Variants in CFAP221 observed in about 807,000 individuals in gnomAD.
CFAP221 encodes the protein cilia and flagella associated protein 221, also known as cilia- and flagella-associated protein 221.
A neutral mutation model predicts 113.1 loss-of-function variants in CFAP221; 97 were observed. That is an observed-to-expected ratio of 0.86 (90% CI 0.73 to 1.02). The LOEUF is 1.02. Ranked by LOEUF, CFAP221 falls within the 50% of genes least tolerant of loss-of-function variation. The pLI, the probability that CFAP221 is intolerant of heterozygous loss-of-function variation, is 0.00. For missense variants in CFAP221, 1,025 were observed against 1,013.4 expected (o/e 1.01, Z -0.16); for synonymous variants, 331 against 354.4 (o/e 0.93, Z 0.74).
At chr2:119,608,286 A>G (rs966637123) in intron 11 of CFAP221, among the ~76,000 whole-genome samples, 1 of 152,198 alleles carries the variant, frequency 6.6e-6, no homozygotes, top group Non-Finnish European at 1.5e-5. Context: ...AGATGTTGTT[A>G]TTCATAACTA....
Position 119,587,192 on chromosome 2 carries a change from C to T in CFAP221, c.601C>T (p.His201Tyr), listed in dbSNP as rs1483670811. Residue 201 changes from histidine (H) to tyrosine (Y), a missense_variant, in exon 7 of 24, where the codon CAT becomes TAT. By Grantham distance (83) the His-to-Tyr change is moderately conservative. Transcript: ENST00000413369. ...FEFYITLIQS[H>Y]QAFAIEPTSG... ...GTTTTATATCACCTTGATTCAGTCT[C>T]ATCAAGCCTTTGCTATTGAGCCAAC... The T allele has an allele frequency of 2.0e-6, 3 of 1,531,744 alleles. No homozygotes were observed. Among genetic ancestry groups the T allele is most frequent in the Non-Finnish European group, 2.6e-6 (3 of 1,144,582 alleles). The allele number at this position is 1,531,744 out of a possible 1,614,324, so 94.9% of individuals were successfully genotyped here.
intron 20 of CFAP221, among the ~76,000 whole-genome samples, chr2:119,639,185 A>G (rs534313060): frequency 6.6e-4 from 100 of 152,198 alleles, no homozygotes; most frequent in African/African-American, 2.4e-3. Flanking sequence ...CTTCAGAGAA[A>G]TCTTCCTTAT....
At chr2:119,654,915 C>G (rs898290872) in intron 23 of CFAP221, among the ~76,000 whole-genome samples, 1 of 152,168 alleles carries the variant, frequency 6.6e-6, no homozygotes, top group African/African-American at 2.4e-5. Context: ...CAGAAACTCT[C>G]CTCAGCTCAC....
At chr2:119,561,042 A>T (rs1352502959) in intron 5 of CFAP221, among the ~76,000 whole-genome samples, 5 of 152,132 alleles carry the variant, frequency 3.3e-5, no homozygotes, top group African/African-American at 1.2e-4. Context: ...TAATCCCTGC[A>T]CTTTGGGAGG....
intron 7 of CFAP221, chr2:119,589,929 G>A (rs1683482818): frequency 6.6e-6 from 1 of 152,108 alleles, no homozygotes. Context: ...AGCAATGCAC[G>A]ACTTTGGCCA....
intron 16 of CFAP221, among the ~76,000 whole-genome samples, chr2:119,629,323 G>C (rs1254171152): frequency 6.6e-6 from 1 of 152,194 alleles, no homozygotes. Flanking sequence ...GGCAGATAGA[G>C]GGGACAGGAT....
intron 21 of CFAP221, among the ~76,000 whole-genome samples, chr2:119,643,545 A>AAT (rs1229279180): frequency 6.6e-6 from 1 of 152,046 alleles, no homozygotes; most frequent in Non-Finnish European, 1.5e-5. Flanking sequence ...AAGGACATTA[A>AAT]ATATATATAT....
At chr2:119,640,092 T>C (rs1245388738) in intron 21 of CFAP221, among the ~76,000 whole-genome samples, 4 of 152,338 alleles carry the variant, frequency 2.6e-5, no homozygotes, top group Non-Finnish European at 5.9e-5. Flanking sequence ...AGGTGACGAA[T>C]TGGCAATGCT....
At chr2:119,619,406 T>A (rs1685743921) in intron 14 of CFAP221, among the ~76,000 whole-genome samples, 1 of 152,174 alleles carries the variant, frequency 6.6e-6, no homozygotes, top group Admixed American at 6.5e-5. Context: ...CAGCAATCTT[T>A]GCTGTTCTGC....
chr2:119,560,796 A>G (rs1681190075), intron 5 of CFAP221, among the ~76,000 whole-genome samples: 2 of 152,126 alleles, frequency 1.3e-5, no homozygotes, highest in Admixed American at 6.5e-5. Context: ...TTCTTTCCAA[A>G]AAAGTTATAA....
At chr2:119,545,671 A>T (rs1282633775) in intron 1 of CFAP221, among the ~76,000 whole-genome samples, 1 of 152,198 alleles carries the variant, frequency 6.6e-6, no homozygotes, top group Non-Finnish European at 1.5e-5. Flanking sequence ...CAAATATTCT[A>T]AGAAACTCAT....
intron 23 of CFAP221, among the ~76,000 whole-genome samples, chr2:119,655,108 T>C (rs1007439518): frequency 1.3e-5 from 2 of 152,200 alleles, no homozygotes; most frequent in African/African-American, 4.8e-5. Flanking sequence ...AAGACTGTTC[T>C]TTATTTGGTT....
chr2:119,576,445 A>G (rs899986962), intron 6 of CFAP221, among the ~76,000 whole-genome samples: 1 of 152,134 alleles, frequency 6.6e-6, no homozygotes, highest in African/African-American at 2.4e-5. Context: ...ACAAGTGAAA[A>G]CATGCGGTAT....
chr2:119,647,794 G>A (rs762419319), intron 22 of CFAP221, among the ~76,000 whole-genome samples: 2 of 152,102 alleles, frequency 1.3e-5, no homozygotes, highest in Non-Finnish European at 2.9e-5. Flanking sequence ...TTTCTACCAG[G>A]CAAAAGTAAA....
At chr2:119,629,479 A>G (rs1209689487) in intron 16 of CFAP221, among the ~76,000 whole-genome samples, 1 of 152,084 alleles carries the variant, frequency 6.6e-6, no homozygotes. Context: ...GCCTGGGAGG[A>G]GCGCTTGACT....
chr2:119,570,369 C>G (rs1209048226), intron 6 of CFAP221, among the ~76,000 whole-genome samples: 1 of 152,078 alleles, frequency 6.6e-6, no homozygotes, highest in Admixed American at 6.5e-5. Flanking sequence ...TTATACTTTC[C>G]AAAAAAGTCT....
intron 7 of CFAP221, among the ~76,000 whole-genome samples, chr2:119,600,640 T>G (rs1684299028): frequency 6.6e-6 from 1 of 152,230 alleles, no homozygotes; most frequent in Non-Finnish European, 1.5e-5. Context: ...AGAAAGACTG[T>G]GTTTGTGCTT....
Position 119,615,665 on chromosome 2 carries a change from A to C in CFAP221, c.1366A>C (p.Ser456Arg). 6.2e-7 allele frequency: 1 copy of C among 1,613,384 alleles called. No individual in the cohort carries two copies. Among genetic ancestry groups the C allele is most frequent in the Non-Finnish European group, 8.5e-7 (1 of 1,179,700 alleles). Reference sequence around the variant, plus strand: ...TCCACTCATTAATAACACTTGGCTCAGCAGGTCCAGGGCACAAAAACGGTT... The same window carrying C: ...TCCACTCATTAATAACACTTGGCTCCGCAGGTCCAGGGCACAAAAACGGTT... Reference protein sequence around the residue: ...FDPLINNTWLSRSRAQKRFQQ... With the variant: ...FDPLINNTWLRRSRAQKRFQQ... The change falls in exon 14 of 24, where the codon AGC (serine) becomes CGC (arginine). Residue 456 changes from serine (S) to arginine (R), a missense_variant. Transcript: ENST00000413369.
At chr2:119,635,860 T>C (rs1687080752) in intron 19 of CFAP221, among the ~76,000 whole-genome samples, 1 of 151,992 alleles carries the variant, frequency 6.6e-6, no homozygotes, top group African/African-American at 2.4e-5. Flanking sequence ...TAGGAAAGGG[T>C]AGGCTCCAAG....
Sources: allele counts gnomAD v4.1 joint callset (sites outside exome capture counted in the v4.1 genomes callset), GRCh38; gene constraint gnomAD v4.1.1; transcripts MANE v1.5; gene names NCBI Gene and HGNC (gene_info 2026-07-23, HGNC 2026-07-21).